Variants in SOCS7 observed in about 807,000 individuals in gnomAD.
SOCS7 encodes suppressor of cytokine signaling 7, also known as NAP-4.
A neutral mutation model predicts 58.9 loss-of-function variants in SOCS7; 18 were observed. The observed-to-expected ratio is 0.31, with a 90% CI of 0.21 to 0.45. The LOEUF is 0.45. SOCS7 is among the 20% of genes least tolerant of loss of function. The probability of loss-of-function intolerance (pLI) is 1.00; values close to 1 mark genes in which losing one functional copy is unlikely to be tolerated. For missense variants in SOCS7, 667 were observed against 837.3 expected (o/e 0.80, Z 2.51); for synonymous variants, 388 against 364.3 (o/e 1.06, Z -0.74).
chr17:38,351,970 C>T lies in SOCS7; in HGVS notation c.-83C>T, dbSNP rs2037558297. Among the ~76,000 whole-genome samples the T allele has an allele frequency of 6.6e-6, 1 of 151,166 alleles. No individual in the cohort carries two copies. Among genetic ancestry groups the T allele is most frequent in the Non-Finnish European group, 1.5e-5 (1 of 67,678 alleles). On this transcript the variant is annotated 5_prime_UTR_variant, in exon 1 of 10. Transcript: ENST00000612932. Reference sequence around the variant, plus strand: ...GTTAGCGCTGTCGCTCCGGGGGCCGCGGCGGGCGGGGCTCCGGCGGGGCCC... The same window carrying T: ...GTTAGCGCTGTCGCTCCGGGGGCCGTGGCGGGCGGGGCTCCGGCGGGGCCC...
chr17:38,362,465 G>A (rs1005813438), intron 2 of SOCS7, among the ~76,000 whole-genome samples: 1 of 152,242 alleles, frequency 6.6e-6, no homozygotes, highest in African/African-American at 2.4e-5. Flanking sequence ...CTGGAGAAAA[G>A]TGGGGCTTTG....
In SOCS7 at chr17:38,395,337, C is replaced by A. The variant is rs748955216; in HGVS notation, c.1710C>A (p.Leu570=). ...TGCCACCAACTCCTGTCCAGCTGCTCTATCCAGTGTCCCGATTCAGCAATG... is the reference window on the plus strand; with the variant it reads ...TGCCACCAACTCCTGTCCAGCTGCTATATCCAGTGTCCCGATTCAGCAATG... ...PGLPPTPVQL[L]YPVSRFSNVK... Residue 570 remains leucine (L), a synonymous_variant, in exon 8 of 10, where the codon CTC becomes CTA. Coordinates refer to ENST00000612932, the MANE Select transcript of SOCS7 (RefSeq NM_014598.4). 1 of 1,614,202 alleles carries A rather than the reference C, an allele frequency of 6.2e-7. No individual in the cohort carries two copies. The highest frequency in any genetic ancestry group is 1.1e-5 in the South Asian group (1 of 91,078).
intron 1 of SOCS7, among the ~76,000 whole-genome samples, chr17:38,359,118 G>T (rs1326004934): frequency 6.6e-6 from 1 of 152,224 alleles, no homozygotes; most frequent in Non-Finnish European, 1.5e-5. Flanking sequence ...TACTTGCTGG[G>T]TTTAATGTTG....
Position 38,404,767 on chromosome 17 carries a change from C to T in SOCS7, c.*5285C>T, listed in dbSNP as rs1436185834. The T allele has an allele frequency of 6.6e-6, 1 of 152,358 alleles. No individual in the cohort carries two copies. 9.4% of individuals were successfully genotyped at this position (152,358 alleles called of 1,614,324 possible). ...GGAGCAGAAGCCTGCTCTCACTCCT[C>T]CATCTCTGGTGCTCCCTTGGGCGGG... On this transcript the variant is annotated 3_prime_UTR_variant, in exon 10 of 10. Transcript: ENST00000612932.
intron 6 of SOCS7, among the ~76,000 whole-genome samples, chr17:38,369,787 TTTTG>T (rs919103775): frequency 2.6e-5 from 4 of 151,482 alleles, no homozygotes; most frequent in Non-Finnish European, 4.4e-5. Context: ...GCAATTCTTT[TTTTG>T]TTTGTTTTTT....
rs1418857081 is a variant in SOCS7, at chr17:38,400,139, C to T, written c.*657C>T. On this transcript the variant is annotated 3_prime_UTR_variant, in exon 10 of 10. Coordinates refer to ENST00000612932, the MANE Select transcript of SOCS7 (RefSeq NM_014598.4). ...TAGCTGGGAGAAGTAGTGACTCCTG[C>T]ATCCTTTTTTAAGGTTTAGGAACCT... 1 of 152,188 alleles carries T rather than the reference C, an allele frequency of 6.6e-6. No homozygotes were observed. 9.4% of individuals were successfully genotyped at this position (152,188 alleles called of 1,614,324 possible). A position where few individuals can be genotyped will look rare whatever the true frequency, so the allele number is the denominator to read the frequency against.
At chr17:38,398,077 G>A (rs1421169959) in intron 9 of SOCS7, among the ~76,000 whole-genome samples, 2 of 152,102 alleles carry the variant, frequency 1.3e-5, no homozygotes, top group East Asian at 3.9e-4. Context: ...GTTGGGGGCA[G>A]TCATATATTG....
intron 7 of SOCS7, 121 bp downstream of exon 7, chr17:38,377,963 C>T (rs1231882558): frequency 1.1e-5 from 9 of 857,086 alleles, no homozygotes; most frequent in African/African-American, 8.5e-5. Context: ...GTTGGAGCCA[C>T]CACTCCTCTT....
chr17:38,393,631 C>T (rs2038206076), intron 7 of SOCS7, among the ~76,000 whole-genome samples: 1 of 151,628 alleles, frequency 6.6e-6, no homozygotes, highest in Non-Finnish European at 1.5e-5. Flanking sequence ...GAGCAAGACT[C>T]TGTCTTAAAA....
intron 1 of SOCS7, among the ~76,000 whole-genome samples, chr17:38,360,782 G>A (rs587679143): frequency 1.1e-4 from 17 of 152,178 alleles, no homozygotes; most frequent in East Asian, 9.7e-4. Context: ...CTTGTGATCC[G>A]CCTGCCTTGG....
rs145907745 is a variant in SOCS7, at chr17:38,399,661, C to T, written c.*179C>T. 1.3e-5 allele frequency: 2 copies of T among 152,618 alleles called. No homozygotes were observed. The highest frequency in any genetic ancestry group is 1.9e-4 in the East Asian group (1 of 5,198). 9.5% of individuals were successfully genotyped at this position (152,618 alleles called of 1,614,324 possible). The stretch of plus-strand genomic sequence containing the variant: ...CTGGGGCTTGGAAGAAGCACATGAC[C>T]GTACTCTGCGTGGGGCTCCACCTCA... On this transcript the variant is annotated 3_prime_UTR_variant, in exon 10 of 10. Transcript: ENST00000612932.
rs745658058 is a variant in SOCS7 at position 38,361,778 on chromosome 17, A to G, written c.1045+3A>G. The G allele has an allele frequency of 6.2e-7, 1 of 1,605,996 alleles. No individual in the cohort carries two copies. The highest frequency in any genetic ancestry group is 8.5e-7 in the Non-Finnish European group (1 of 1,175,260). ...CTCCTTCAGCCCCCTGTTCACAGGT[A>G]AGGGTAATATCTTTCTCTCTTCTGA... On this transcript the variant is annotated splice_donor_region_variant and intron_variant, in intron 2 of 9. Transcript: ENST00000612932.
At chr17:38,386,378 C>T (rs1355663400) in intron 7 of SOCS7, among the ~76,000 whole-genome samples, 4 of 149,192 alleles carry the variant, frequency 2.7e-5, no homozygotes, top group Non-Finnish European at 5.9e-5. Context: ...AGGGTAATCG[C>T]TTGAGTCTGT....
chr17:38,367,476 C>T (rs748886043), intron 5 of SOCS7, among the ~76,000 whole-genome samples: 4 of 152,178 alleles, frequency 2.6e-5, no homozygotes, highest in South Asian at 2.1e-4. Context: ...TGGGTTCAAG[C>T]GATTCTTCTG....
At chr17:38,364,892 TG>T in intron 3 of SOCS7, 36 bp downstream of exon 3, 1 of 1,516,878 alleles carries the variant, frequency 6.6e-7, no homozygotes, top group Non-Finnish European at 9.1e-7. Flanking sequence ...TCTTGCCTAG[TG>T]GGAGGGTGAG....
At position 38,352,627 on chromosome 17, in the gene SOCS7, A is replaced by G. The variant is rs998162361; in HGVS notation, c.575A>G (p.Glu192Gly). Residue 192 changes from glutamate (E) to glycine (G), a missense_variant, in exon 1 of 10, where the codon GAG becomes GGG. Transcript: ENST00000612932. This position sits in a 1 kb window ranked among gnomAD's most constrained non-coding sequence, Gnocchi z 5.5. The part of the protein sequence containing the change: ...EGLESEAESL[E>G]TNSCSEEELS... Reference sequence around the variant, plus strand: ...TTGGAATCGGAGGCCGAGAGCCTGGAGACTAACAGCTGCTCGGAAGAGGAG... The same window carrying G: ...TTGGAATCGGAGGCCGAGAGCCTGGGGACTAACAGCTGCTCGGAAGAGGAG... 3.9e-6 allele frequency: 6 copies of G among 1,549,902 alleles called. No individual in the cohort carries two copies. The Admixed American group carries it at 7.8e-5, about 20-fold the overall frequency.
chr17:38,360,324 G>A (rs2144320413), intron 1 of SOCS7, among the ~76,000 whole-genome samples: 1 of 151,084 alleles, frequency 6.6e-6, no homozygotes, highest in South Asian at 2.1e-4. Context: ...AGCCTCCTGA[G>A]TAGCTGGGAT....
chr17:38,363,840 C>T (rs1211782312), intron 2 of SOCS7, among the ~76,000 whole-genome samples: 1 of 152,108 alleles, frequency 6.6e-6, no homozygotes, highest in Non-Finnish European at 1.5e-5. Context: ...GGAAGGAACA[C>T]CGTAAGGGCT....
rs2037973089 is a variant in SOCS7, at chr17:38,379,370, T to C, written c.1681+1528T>C. The stretch of plus-strand genomic sequence containing the variant: ...GCAGGTGCCTTGTAATCCCAGCTAC[T>C]CAGGAGGCTGAGGCGGGAGAATTGC... On this transcript the variant is annotated intron_variant, in intron 7 of 9. Coordinates refer to ENST00000612932, the MANE Select transcript of SOCS7 (RefSeq NM_014598.4). Among the ~76,000 whole-genome samples, 3 of 151,802 alleles carry C rather than the reference T, an allele frequency of 2.0e-5. No individual in the cohort carries two copies. The South Asian group carries it at 6.2e-4, about 32-fold the overall frequency.
Sources: allele counts gnomAD v4.1 joint callset (sites outside exome capture counted in the v4.1 genomes callset), GRCh38; gene constraint gnomAD v4.1.1; non-coding constraint Gnocchi (gnomAD v3.1); transcripts MANE v1.5; gene names NCBI Gene and HGNC (gene_info 2026-07-23, HGNC 2026-07-21).